The following TTLL11 variants were observed in gnomAD, a reference collection of about 807,000 sequenced individuals.
TTLL11 encodes tubulin polyglutamylase TTLL11.
Under a neutral mutation model 51.7 loss-of-function variants are expected in TTLL11, and 42 were observed. The observed-to-expected ratio is 0.81, with a 90% CI of 0.64 to 1.05. The LOEUF is 1.05. TTLL11 is among the 50% of genes least tolerant of loss of function. The pLI is 0.00. For synonymous variants in TTLL11, 381 were observed against 383.5 expected (o/e 0.99, Z 0.08); for missense variants, 799 against 940.4 (o/e 0.85, Z 1.97).
At chr9:121,873,647 C>T (rs1426706024) in intron 6 of TTLL11, among the ~76,000 whole-genome samples, 1 of 150,142 alleles carries the variant, frequency 6.7e-6, no homozygotes, top group Non-Finnish European at 1.5e-5. Context: ...CTCCTCTCTT[C>T]TTCTTCTTCT....
At chr9:122,064,052 A>G (rs922867239) in intron 1 of TTLL11, among the ~76,000 whole-genome samples, 1 of 152,240 alleles carries the variant, frequency 6.6e-6, no homozygotes, top group African/African-American at 2.4e-5. Context: ...CAATGTTCTT[A>G]TTCTCTTCTA....
At chr9:121,970,641 C>A (rs10760205) in intron 6 of TTLL11, among the ~76,000 whole-genome samples, 139,288 of 152,300 alleles carry the variant, frequency 0.91, 64,087 homozygotes, top group Non-Finnish European at 0.97. Flanking sequence ...AATCAAAACC[C>A]CAATGAGATA....
rs1181704690 is a variant in TTLL11, at chr9:121,826,541, A to G, written c.1841-3662T>C. On this transcript the variant is annotated intron_variant, in intron 8 of 8. Coordinates refer to ENST00000321582, the MANE Select transcript of TTLL11 (RefSeq NM_001139442.2). Reference sequence around the variant, plus strand: ...TATATATATATATGTGTGTGTGTATATATATATATGTGTGTGTATATATAT... The same window carrying G: ...TATATATATATATGTGTGTGTGTATGTATATATATGTGTGTGTATATATAT... Among the ~76,000 whole-genome samples the G allele has an allele frequency of 7.1e-4, 41 of 58,116 alleles. 1 individual carries two copies. Among genetic ancestry groups the G allele is most frequent in the African/African-American group, 4.3e-3 (40 of 9,366 alleles). 38.1% of individuals were successfully genotyped at this position (58,116 alleles called of 152,430 possible). A position where few individuals can be genotyped will look rare whatever the true frequency, so the allele number is the denominator to read the frequency against.
chr9:122,063,095 T>C (rs1358088187), intron 1 of TTLL11, among the ~76,000 whole-genome samples: 1 of 152,206 alleles, frequency 6.6e-6, no homozygotes, highest in Non-Finnish European at 1.5e-5. Flanking sequence ...TTTATCTTAC[T>C]ATATCATCTT....
intron 8 of TTLL11, among the ~76,000 whole-genome samples, chr9:121,859,329 GAAA>G (rs5900501): frequency 1.2e-4 from 17 of 142,390 alleles, no homozygotes; most frequent in Admixed American, 4.2e-4. Flanking sequence ...TGTCTCTACT[GAAA>G]AAAAAAAAAA....
At chr9:122,058,001 C>T (rs1021129840) in intron 1 of TTLL11, among the ~76,000 whole-genome samples, 1 of 152,204 alleles carries the variant, frequency 6.6e-6, no homozygotes, top group Admixed American at 6.5e-5. Flanking sequence ...TGCAAATTCA[C>T]CCACGTTCTA....
chr9:122,031,875 G>A lies in TTLL11; in HGVS notation c.560-19C>T. 6.2e-7 allele frequency: 1 copy of A among 1,609,146 alleles called. No homozygotes were observed. Among genetic ancestry groups the A allele is most frequent in the South Asian group, 1.1e-5 (1 of 90,490 alleles). On this transcript the variant is annotated intron_variant, in intron 2 of 8. Coordinates refer to ENST00000321582, the MANE Select transcript of TTLL11 (RefSeq NM_001139442.2). ...GTCATGCCTGGGGAGAAGAGACGCT[G>A]TGAGGTTTTAACAACAGTGGGCTAC...
At chr9:121,847,732 A>C (rs1297906045) in intron 8 of TTLL11, among the ~76,000 whole-genome samples, 1 of 152,222 alleles carries the variant, frequency 6.6e-6, no homozygotes, top group Non-Finnish European at 1.5e-5. Context: ...TTTAAGAAGG[A>C]AATGATACAA....
At chr9:121,867,676 C>T (rs1385163672) in intron 7 of TTLL11, among the ~76,000 whole-genome samples, 1 of 152,186 alleles carries the variant, frequency 6.6e-6, no homozygotes, top group African/African-American at 2.4e-5. Flanking sequence ...CCAGTCCAAA[C>T]CCTGCCTCCT....
rs114360688 is a variant in TTLL11, at chr9:121,989,323, C to T, written c.1141G>A (p.Asp381Asn). The change falls in exon 4 of 9, where the codon GAC becomes AAC. Residue 381 changes from aspartate to asparagine, a missense_variant. Transcript: ENST00000321582. This position sits in a 1 kb window ranked among gnomAD's most constrained non-coding sequence, Gnocchi z 4.2. ...ILCRLSSKGV[D>N]IKKVWSDIIS... is the part of the protein sequence containing the mutation. ...ATGTCAGACCAGACCTTCTTGATGT[C>T]AACGCCTTTGGAAGACAGTCTACAA... is the stretch of plus-strand genomic sequence containing the variant. 307 of 1,614,194 alleles carry T rather than the reference C, an allele frequency of 1.9e-4. No homozygotes were observed. In the African/African-American group the frequency reaches 3.8e-3, roughly 20 times the overall value.
chr9:121,968,860 C>T (rs1261638521), intron 6 of TTLL11, among the ~76,000 whole-genome samples: 1 of 151,758 alleles, frequency 6.6e-6, no homozygotes, highest in Admixed American at 6.6e-5. Context: ...AAGTTTTTCT[C>T]ACTTATTTTT....
At chr9:121,852,574 T>C (rs1837695159) in intron 8 of TTLL11, among the ~76,000 whole-genome samples, 1 of 152,096 alleles carries the variant, frequency 6.6e-6, no homozygotes, top group Admixed American at 6.5e-5. Flanking sequence ...GGCCAGACGA[T>C]GGGCAGAGAT....
intron 1 of TTLL11, among the ~76,000 whole-genome samples, chr9:122,075,632 C>T (rs1845840602): frequency 6.6e-6 from 1 of 152,076 alleles, no homozygotes; most frequent in Admixed American, 6.5e-5. Flanking sequence ...TGCAACCTGC[C>T]TAGAGAGTCA....
In TTLL11 at chr9:122,031,805, A is replaced by G. The variant is rs1355322828; in HGVS notation, c.611T>C (p.Met204Thr). Residue 204 changes from methionine to threonine, a missense_variant, in exon 3 of 9, where the codon ATG becomes ACG. Coordinates refer to ENST00000321582, the MANE Select transcript of TTLL11 (RefSeq NM_001139442.2). ...GTACTCCTCAGGAAAGAGATTCTGC[A>G]TGGTTCTCACTGCTCTGCTCAGAGT... ...KITLSRAVRT[M>T]QNLFPEEYNF... 5.6e-6 allele frequency: 9 copies of G among 1,614,132 alleles called. No individual in the cohort carries two copies. The highest frequency in any genetic ancestry group is 1.7e-5 in the Admixed American group (1 of 60,030).
intron 2 of TTLL11, among the ~76,000 whole-genome samples, chr9:122,036,658 C>T (rs558035525): frequency 1.3e-5 from 2 of 152,162 alleles, no homozygotes; most frequent in Non-Finnish European, 1.5e-5. Flanking sequence ...TCTCAGTTGA[C>T]CCAGCAAATA....
chr9:121,967,664 G>C (rs577230177), intron 6 of TTLL11, among the ~76,000 whole-genome samples: 1 of 152,156 alleles, frequency 6.6e-6, no homozygotes, highest in Non-Finnish European at 1.5e-5. Flanking sequence ...CGCTTCAAAG[G>C]AAATCTAATG....
chr9:122,011,057 A>G lies in TTLL11; in HGVS notation c.693+20666T>C, dbSNP rs145507653. Among the ~76,000 whole-genome samples, 652 of 152,322 alleles carry G rather than the reference A, an allele frequency of 4.3e-3. 5 individuals are homozygous for G. The highest frequency in any genetic ancestry group is 0.015 in the African/African-American group (629 of 41,568). ...GAGGGACCTGGTAGGAGATAATTGA[A>G]TCATGGGGTCAGTTTTCCCCATACT... On this transcript the variant is annotated intron_variant, in intron 3 of 8. Coordinates refer to ENST00000321582, the MANE Select transcript of TTLL11 (RefSeq NM_001139442.2).
chr9:121,921,382 G>C (rs1462974496), intron 6 of TTLL11, among the ~76,000 whole-genome samples: 1 of 152,148 alleles, frequency 6.6e-6, no homozygotes, highest in East Asian at 1.9e-4. Flanking sequence ...GGAGGCAGGG[G>C]GGTGAACAGA....
chr9:121,989,418 A>T lies in TTLL11; in HGVS notation c.1046T>A (p.Ile349Asn). 1 of 1,614,072 alleles carries T rather than the reference A, an allele frequency of 6.2e-7. No individual in the cohort carries two copies. The highest frequency in any genetic ancestry group is 8.5e-7 in the Non-Finnish European group (1 of 1,180,026). ...FMHLTNYSLN[I>N]HSGNFIHSDS... ...CGAGTGGATGAAGTTGCCGCTGTGG[A>T]TGTTCAGTGAATAGTTGGTTAAGTG... Residue 349 changes from isoleucine (I) to asparagine (N), a missense_variant, in exon 4 of 9, where the codon ATC (isoleucine) becomes AAC (asparagine). Coordinates refer to ENST00000321582, the MANE Select transcript of TTLL11 (RefSeq NM_001139442.2). This position sits in a 1 kb window ranked among gnomAD's most constrained non-coding sequence, Gnocchi z 4.2.
Sources: gnomAD v4.1 joint callset for allele counts (sites outside exome capture counted in the v4.1 genomes callset) on GRCh38, gnomAD v4.1.1 for gene constraint, Gnocchi (gnomAD v3.1) non-coding constraint, MANE v1.5 for transcripts, NCBI Gene and HGNC (gene_info 2026-07-23, HGNC 2026-07-21) for gene names.